GLS: variants seen among roughly 807,000 people sequenced by gnomAD.
GLS encodes the protein glutaminase kidney isoform, mitochondrial.
GLS carries 36 observed loss-of-function variants against 86.7 expected under a neutral mutation model. The ratio of observed to expected loss-of-function variants is 0.42; its 90% CI spans 0.32 to 0.55. GLS has a LOEUF of 0.55. Ranked by LOEUF, GLS falls within the 20% of genes least tolerant of loss-of-function variation. The pLI, the probability that GLS is intolerant of heterozygous loss-of-function variation, is 0.17. For missense variants in GLS, 528 were observed against 833.4 expected (o/e 0.63, Z 4.51); for synonymous variants, 317 against 305.9 (o/e 1.04, Z -0.38).
At chr2:190,945,842 T>C (rs1690565123) in intron 14 of GLS, among the ~76,000 whole-genome samples, 1 of 152,156 alleles carries the variant, frequency 6.6e-6, no homozygotes, top group Admixed American at 6.5e-5. Flanking sequence ...ATTTGATTTA[T>C]TCCTCTCTAT....
At chr2:190,894,255 C>T (rs1688656058) in intron 1 of GLS, among the ~76,000 whole-genome samples, 1 of 152,072 alleles carries the variant, frequency 6.6e-6, no homozygotes, top group Non-Finnish European at 1.5e-5. Context: ...ATATATCCTC[C>T]CATATATTTT....
rs564889873 is a variant in GLS at position 190,919,242 on chromosome 2, T to C, written c.1039-1782T>C. On this transcript the variant is annotated intron_variant, in intron 7 of 17. Coordinates refer to ENST00000320717, the MANE Select transcript of GLS (RefSeq NM_014905.5). ...AGAGAATGTTGAGTACCCAAAATGT[T>C]ATACTGTATAATGCTAGACATTGGT... Among the ~76,000 whole-genome samples, 84 of 152,298 alleles carry C rather than the reference T, an allele frequency of 5.5e-4. 1 individual carries two copies. The highest frequency in any genetic ancestry group is 1.1e-3 in the Non-Finnish European group (77 of 67,996).
chr2:190,922,356 C>A (rs1574596551), intron 9 of GLS, among the ~76,000 whole-genome samples: 1 of 152,220 alleles, frequency 6.6e-6, no homozygotes, highest in African/African-American at 2.4e-5. Context: ...GCACTTCCTG[C>A]TTCGCATTTC....
Position 190,949,695 on chromosome 2 carries a change from A to G in GLS, c.1651-3870A>G, listed in dbSNP as rs1690667646. Among the ~76,000 whole-genome samples the G allele has an allele frequency of 6.6e-6, 1 of 152,154 alleles. No individual in the cohort carries two copies. On this transcript the variant is annotated intron_variant, in intron 14 of 17. Coordinates refer to ENST00000320717, the MANE Select transcript of GLS (RefSeq NM_014905.5). This position sits in a 1 kb window ranked among gnomAD's most constrained non-coding sequence, Gnocchi z 4.0. ...TGACAGAGCGAGACCTTGTCTCAAA[A>G]AAAATAAAATGCAGGGTTGGGGGCC...
chr2:190,924,168 G>A lies in GLS; in HGVS notation c.1197+185G>A, dbSNP rs1224127762. Among the ~76,000 whole-genome samples, 1 of 152,096 alleles carries A rather than the reference G, an allele frequency of 6.6e-6. No homozygotes were observed. The highest frequency in any genetic ancestry group is 1.5e-5 in the Non-Finnish European group (1 of 67,996). On this transcript the variant is annotated intron_variant, in intron 10 of 17. Transcript: ENST00000320717. The surrounding 1 kb of genome is among the most constrained non-coding windows in gnomAD (Gnocchi z 5.2). The stretch of plus-strand genomic sequence containing the variant: ...GTTAATGTTATTGTTAATTTGATTT[G>A]TATCTGGCAGCATTTAAATATTTGA...
In GLS at chr2:190,905,295, A is replaced by C; in HGVS notation, c.979+128A>C. The stretch of plus-strand genomic sequence containing the variant: ...CATGTGATTTCTATATAATCCATTG[A>C]GAGAGTTTCATCACCTACTTTTAAA... On this transcript the variant is annotated intron_variant, in intron 6 of 17. Coordinates refer to ENST00000320717, the MANE Select transcript of GLS (RefSeq NM_014905.5). This position sits in a 1 kb window ranked among gnomAD's most constrained non-coding sequence, Gnocchi z 4.6. The C allele has an allele frequency of 1.6e-6, 1 of 614,456 alleles. No homozygotes were observed. The highest frequency in any genetic ancestry group is 2.8e-6 in the Non-Finnish European group (1 of 358,012). The allele number at this position is 614,456 out of a possible 1,614,324, so 38.1% of individuals were successfully genotyped here.
In GLS at chr2:190,900,412, A is replaced by C. The variant is rs954437130; in HGVS notation, c.606-152A>C. On this transcript the variant is annotated intron_variant, in intron 3 of 17. Transcript: ENST00000320717. ...CTACTTGAAAGACTGCTAGAAGGAA[A>C]GATAATGTAGAAAGCATAATTTATA... is the stretch of plus-strand genomic sequence containing the variant. 6.4e-5 allele frequency: 28 copies of C among 435,714 alleles called. No homozygotes were observed. The Admixed American group carries it at 9.1e-4, about 14-fold the overall frequency. The allele number at this position is 435,714 out of a possible 1,614,324, so 27.0% of individuals were successfully genotyped here. A position where few individuals can be genotyped will look rare whatever the true frequency, so the allele number is the denominator to read the frequency against.
chr2:190,905,425 A>G lies in GLS; in HGVS notation c.979+258A>G, dbSNP rs1475449056. 8.2e-6 allele frequency: 3 copies of G among 365,622 alleles called. No individual in the cohort carries two copies. The highest frequency in any genetic ancestry group is 2.1e-5 in the African/African-American group (1 of 47,752). The allele number at this position is 365,622 out of a possible 1,614,324, so 22.6% of individuals were successfully genotyped here. A position where few individuals can be genotyped will look rare whatever the true frequency, so the allele number is the denominator to read the frequency against. On this transcript the variant is annotated intron_variant, in intron 6 of 17. Coordinates refer to ENST00000320717, the MANE Select transcript of GLS (RefSeq NM_014905.5). The surrounding 1 kb of genome is among the most constrained non-coding windows in gnomAD (Gnocchi z 4.6). ...GGGAAATATAGCGAAATCTCAAAATACATGAGATTTGCTTTAAAATAATTT... is the reference window on the plus strand; with the variant it reads ...GGGAAATATAGCGAAATCTCAAAATGCATGAGATTTGCTTTAAAATAATTT...
chr2:190,945,570 TG>T (rs1690556366), intron 14 of GLS, among the ~76,000 whole-genome samples: 1 of 151,146 alleles, frequency 6.6e-6, no homozygotes, highest in Non-Finnish European at 1.5e-5. Context: ...GAGGCTGAGT[TG>T]GGAGGATCAG....
intron 17 of GLS, among the ~76,000 whole-genome samples, chr2:190,960,349 T>A (rs2124958025): frequency 6.7e-6 from 1 of 149,192 alleles, no homozygotes; most frequent in South Asian, 2.1e-4. Flanking sequence ...TTTCTGTTTA[T>A]TAAGCTTCAA....
rs1358086595 is a variant in GLS at position 190,897,055 on chromosome 2, GTC to G, written c.605+1333_605+1334del. Among the ~76,000 whole-genome samples the G allele has an allele frequency of 1.3e-5, 2 of 151,842 alleles. No individual in the cohort carries two copies. The highest frequency in any genetic ancestry group is 4.8e-5 in the African/African-American group (2 of 41,304). On this transcript the variant is annotated intron_variant, in intron 3 of 17. Coordinates refer to ENST00000320717, the MANE Select transcript of GLS (RefSeq NM_014905.5). This position sits in a 1 kb window ranked among gnomAD's most constrained non-coding sequence, Gnocchi z 4.3. ...ACACTTTTTTTTTTTAAGAGACAGA[GTC>G]TCATTCTGTCGCCCAGGCTGGAGTG...
chr2:190,941,788 G>T (rs1257466841), intron 14 of GLS, among the ~76,000 whole-genome samples: 1 of 152,110 alleles, frequency 6.6e-6, no homozygotes, highest in African/African-American at 2.4e-5. Context: ...ATTGGCTGTG[G>T]ATGACTCCTA....
At chr2:190,950,674 G>A (rs765183778) in intron 14 of GLS, among the ~76,000 whole-genome samples, 14 of 152,214 alleles carry the variant, frequency 9.2e-5, no homozygotes, top group Admixed American at 3.3e-4. Flanking sequence ...TGGGAAGAGC[G>A]TGGGCTGGTA....
At chr2:190,960,857 T>C (rs980685271) in intron 17 of GLS, among the ~76,000 whole-genome samples, 1 of 152,196 alleles carries the variant, frequency 6.6e-6, no homozygotes, top group African/African-American at 2.4e-5. Context: ...AACTCCTTTA[T>C]TGGCAGTATT....
chr2:190,891,420 G>A (rs1574562469), intron 1 of GLS, among the ~76,000 whole-genome samples: 1 of 151,768 alleles, frequency 6.6e-6, no homozygotes, highest in East Asian at 1.9e-4. Context: ...ATCATTGATA[G>A]CTTAAGATTT....
At chr2:190,928,704 T>G (rs1307217764) in intron 12 of GLS, among the ~76,000 whole-genome samples, 1 of 125,612 alleles carries the variant, frequency 8.0e-6, no homozygotes, top group African/African-American at 2.6e-5. Flanking sequence ...TTGGGTTTTG[T>G]CTCCTTTTTT....
At chr2:190,893,679 G>A (rs929471118) in intron 1 of GLS, among the ~76,000 whole-genome samples, 13 of 152,060 alleles carry the variant, frequency 8.5e-5, no homozygotes, top group Non-Finnish European at 2.9e-5. Flanking sequence ...TCCACCTCCC[G>A]GGTTCAAGCT....
At chr2:190,884,153 C>G (rs1285143613) in intron 1 of GLS, among the ~76,000 whole-genome samples, 2 of 152,122 alleles carry the variant, frequency 1.3e-5, no homozygotes, top group Non-Finnish European at 2.9e-5. Context: ...TTTCCTAGTT[C>G]TTTTTGAATT....
intron 3 of GLS, 54 bp from the exon 4 acceptor site, chr2:190,900,509 AG>A: frequency 1.0e-6 from 1 of 996,002 alleles, no homozygotes; most frequent in Non-Finnish European, 1.5e-6. Flanking sequence ...GTTATTACCA[AG>A]TTCTGATATT....
Sources: allele counts gnomAD v4.1 joint callset (sites outside exome capture counted in the v4.1 genomes callset), GRCh38; gene constraint gnomAD v4.1.1; non-coding constraint Gnocchi (gnomAD v3.1); transcripts MANE v1.5; gene names NCBI Gene and HGNC (gene_info 2026-07-23, HGNC 2026-07-21).